TENM2: variants seen among roughly 807,000 people sequenced by gnomAD.
TENM2 encodes the protein teneurin transmembrane protein 2.
In TENM2, 52 loss-of-function variants were observed where a neutral mutation model predicts 245.2. The observed-to-expected ratio is 0.21, with a 90% CI of 0.17 to 0.27. The LOEUF is 0.27. TENM2 is among the 10% of genes least tolerant of loss of function. TENM2 has a pLI of 1.00. For missense variants in TENM2, 3,046 were observed against 3,666.8 expected (o/e 0.83, Z 4.37); for synonymous variants, 1,363 against 1,438.9 (o/e 0.95, Z 1.19).
intron 2 of TENM2, among the ~76,000 whole-genome samples, chr5:167,573,134 T>C (rs954627111): frequency 7.2e-5 from 11 of 152,126 alleles, no homozygotes; most frequent in African/African-American, 2.7e-4. Context: ...TGTTTACCCA[T>C]GGCAGTTTGT....
chr5:166,987,696 G>A, the TENM2 span, among the ~76,000 whole-genome samples: 1 of 152,112 alleles, frequency 6.6e-6, no homozygotes, highest in East Asian at 1.9e-4. Context: ...TTTTTAGGAT[G>A]TGCCGGTTGC....
intron 2 of TENM2, among the ~76,000 whole-genome samples, chr5:167,589,063 C>A (rs997785773): frequency 1.3e-5 from 2 of 151,996 alleles, no homozygotes; most frequent in South Asian, 4.1e-4. Context: ...TTAGCTGGGT[C>A]TATTGGCACA....
the TENM2 span, among the ~76,000 whole-genome samples, chr5:167,214,520 C>T: frequency 6.6e-6 from 1 of 152,126 alleles, no homozygotes; most frequent in Non-Finnish European, 1.5e-5. Context: ...TTAGCCAGCT[C>T]TCTTTTTTGT....
chr5:168,200,237 T>C (rs757746779), intron 17 of TENM2, 106 bp downstream of exon 19: 2 of 1,043,828 alleles, frequency 1.9e-6, no homozygotes, highest in East Asian at 5.2e-5. Context: ...TTTCAGTAGA[T>C]AAGGACACGA....
the TENM2 span, among the ~76,000 whole-genome samples, chr5:167,006,572 TG>T: frequency 6.6e-6 from 1 of 152,226 alleles, no homozygotes; most frequent in Non-Finnish European, 1.5e-5. Context: ...TGGATACATA[TG>T]TATGCATATG....
At chr5:167,143,257 T>C in the TENM2 span, among the ~76,000 whole-genome samples, 1 of 152,228 alleles carries the variant, frequency 6.6e-6, no homozygotes, top group Non-Finnish European at 1.5e-5. Context: ...ACAATAGCTA[T>C]AAAATGGTTT....
At chr5:167,951,180 G>A (rs1780068113) in intron 3 of TENM2, among the ~76,000 whole-genome samples, 1 of 152,208 alleles carries the variant, frequency 6.6e-6, no homozygotes, top group African/African-American at 2.4e-5. Flanking sequence ...TTTTGGAGAT[G>A]TAGCCCGGCC....
chr5:167,350,591 T>C (rs1231081917), intron 1 of TENM2, among the ~76,000 whole-genome samples: 3 of 142,248 alleles, frequency 2.1e-5, no homozygotes, highest in Non-Finnish European at 4.6e-5. Flanking sequence ...ATGGGATATA[T>C]ATATATGGAT....
the TENM2 span, among the ~76,000 whole-genome samples, chr5:167,169,898 C>G: frequency 2.0e-5 from 3 of 152,148 alleles, no homozygotes; most frequent in Admixed American, 6.5e-5. Flanking sequence ...TTATATGTAT[C>G]TGATGTAAGC....
At chr5:167,217,992 A>G in the TENM2 span, among the ~76,000 whole-genome samples, 1 of 152,042 alleles carries the variant, frequency 6.6e-6, no homozygotes, top group East Asian at 1.9e-4. Context: ...AAACAAATCA[A>G]TAGTATTTAA....
chr5:167,278,550 T>C, the TENM2 span, among the ~76,000 whole-genome samples: 2 of 152,186 alleles, frequency 1.3e-5, no homozygotes, highest in African/African-American at 2.4e-5. Flanking sequence ...GAACGGTTTA[T>C]AGGGCTCCAG....
chr5:166,984,309 T>C, the TENM2 span, among the ~76,000 whole-genome samples: 1 of 152,204 alleles, frequency 6.6e-6, no homozygotes, highest in South Asian at 2.1e-4. Flanking sequence ...GAAGATGAAA[T>C]TGATACTAAT....
chr5:167,956,589 T>C (rs1780577778), intron 4 of TENM2, among the ~76,000 whole-genome samples: 2 of 152,194 alleles, frequency 1.3e-5, no homozygotes, highest in Admixed American at 6.5e-5. Context: ...GGCCATTCAG[T>C]GTGATATTGG....
At chr5:167,922,431 A>G (rs1029331093) in intron 3 of TENM2, among the ~76,000 whole-genome samples, 2 of 151,986 alleles carry the variant, frequency 1.3e-5, no homozygotes, top group African/African-American at 2.4e-5. Flanking sequence ...CAATTCAACC[A>G]TGTTCCTTTT....
At chr5:167,274,056 C>T in the TENM2 span, among the ~76,000 whole-genome samples, 2 of 152,100 alleles carry the variant, frequency 1.3e-5, no homozygotes, top group Non-Finnish European at 2.9e-5. Context: ...TACAATGTCA[C>T]AATGAAGAGA....
chr5:168,240,154 AG>A (rs1196358132), intron 25 of TENM2, among the ~76,000 whole-genome samples: 1 of 152,236 alleles, frequency 6.6e-6, no homozygotes, highest in Non-Finnish European at 1.5e-5. Context: ...CAGGGGGCAG[AG>A]GTTGCAGTGA....
intron 5 of TENM2, among the ~76,000 whole-genome samples, chr5:168,037,635 G>A (rs1787831766): frequency 6.6e-6 from 1 of 151,194 alleles, no homozygotes; most frequent in Non-Finnish European, 1.5e-5. Flanking sequence ...GGTAAGAGGA[G>A]GAGGCTTCTC....
exon 4 of TENM2, chr5:167,952,748 C>G (rs1345840608): frequency 6.3e-7 from 1 of 1,590,484 alleles, no homozygotes; most frequent in African/African-American, 1.3e-5. Context: ...CGCCCAATGA[C>G]CTGGCCACCA....
intron 2 of TENM2, among the ~76,000 whole-genome samples, chr5:167,382,795 G>A (rs551601962): frequency 1.3e-5 from 2 of 152,182 alleles, no homozygotes; most frequent in African/African-American, 4.8e-5. Context: ...AGTATTTTTT[G>A]TAGTATTTTA....
Sources: gnomAD v4.1 joint callset for allele counts (sites outside exome capture counted in the v4.1 genomes callset) on GRCh38, gnomAD v4.1.1 for gene constraint, MANE v1.5 for transcripts, NCBI Gene and HGNC (gene_info 2026-07-23, HGNC 2026-07-21) for gene names.